NXN: variants seen among roughly 807,000 people sequenced by gnomAD.
NXN encodes the protein nucleoredoxin 1.
In NXN, 16 loss-of-function variants were observed where a neutral mutation model predicts 48.6. The observed-to-expected ratio is 0.33, with a 90% CI of 0.22 to 0.50. NXN has a LOEUF of 0.50. NXN is among the 20% of genes least tolerant of loss of function. NXN has a pLI of 0.98. For synonymous variants in NXN, 281 were observed against 269.6 expected, an observed-to-expected ratio of 1.04 and a Z score of -0.41; for missense variants, 492 against 605.5, an observed-to-expected ratio of 0.81 and a Z score of 1.97.
intron 1 of NXN, 126 bp from the exon 2 acceptor site, chr17:826,204 T>C (rs1360249415): frequency 6.6e-6 from 5 of 753,184 alleles, no homozygotes; most frequent in South Asian, 1.4e-5. Context: ...AAAAGAATAA[T>C]GGATGCCAAG....
chr17:941,238 G>A (rs547413782), intron 1 of NXN, among the ~76,000 whole-genome samples: 4,574 of 137,018 alleles, frequency 0.033, 2 homozygotes, highest in African/African-American at 0.094. Flanking sequence ...CACCTTCCTG[G>A]ATTTACAGTG....
At chr17:843,056 G>GAAAGAAAGAAAGA (rs113972004) in intron 1 of NXN, among the ~76,000 whole-genome samples, 1 of 107,220 alleles carries the variant, frequency 9.3e-6, no homozygotes, top group African/African-American at 3.9e-5. Flanking sequence ...AAGAAAGAAA[G>GAAAGAAAGAAAGA]AAGGAAGAAA....
intron 1 of NXN, among the ~76,000 whole-genome samples, chr17:962,466 G>A (rs1261980888): frequency 3.3e-5 from 5 of 151,918 alleles, no homozygotes; most frequent in East Asian, 1.9e-4. Flanking sequence ...CCAGGAGTTC[G>A]AGACCAGCCT....
intron 1 of NXN, among the ~76,000 whole-genome samples, chr17:939,623 G>A (rs2068947720): frequency 6.6e-6 from 1 of 152,148 alleles, no homozygotes; most frequent in African/African-American, 2.4e-5. Flanking sequence ...TGGGATTACA[G>A]GCGTGAGCCA....
intron 1 of NXN, among the ~76,000 whole-genome samples, chr17:913,454 T>C (rs2068655688): frequency 6.6e-6 from 1 of 152,176 alleles, no homozygotes; most frequent in Non-Finnish European, 1.5e-5. Flanking sequence ...CAGATGAAGA[T>C]GTCGGCCCCT....
chr17:928,572 A>G (rs2068823774), intron 1 of NXN, among the ~76,000 whole-genome samples: 1 of 152,218 alleles, frequency 6.6e-6, no homozygotes, highest in Admixed American at 6.5e-5. Flanking sequence ...GCGGTGGCTC[A>G]CGCCTGTAAT....
intron 1 of NXN, among the ~76,000 whole-genome samples, chr17:923,427 A>G (rs2068767595): frequency 6.6e-6 from 1 of 152,198 alleles, no homozygotes. Context: ...GGAGGCTGAG[A>G]CGGGAGGATT....
At chr17:907,855 T>C (rs1268822503) in intron 1 of NXN, 2 of 152,162 alleles carry the variant, frequency 1.3e-5, no homozygotes, top group African/African-American at 2.4e-5. Flanking sequence ...TCGAAACCAG[T>C]TGCATCTATC....
At chr17:944,731 T>C (rs1335338005) in intron 1 of NXN, among the ~76,000 whole-genome samples, 1 of 152,156 alleles carries the variant, frequency 6.6e-6, no homozygotes, top group Non-Finnish European at 1.5e-5. Context: ...AGCTTTGTTT[T>C]GGGATTCCAG....
chr17:846,464 T>C (rs951986532), intron 1 of NXN, among the ~76,000 whole-genome samples: 11 of 145,976 alleles, frequency 7.5e-5, no homozygotes, highest in African/African-American at 2.8e-4. Flanking sequence ...TTTAAGGAAA[T>C]TGAACACACG....
chr17:841,062 T>C (rs1914145869), intron 1 of NXN, among the ~76,000 whole-genome samples: 1 of 152,130 alleles, frequency 6.6e-6, no homozygotes, highest in African/African-American at 2.4e-5. Flanking sequence ...GTAAATGACT[T>C]AGTCTCCCCA....
chr17:910,412 A>C (rs2068624956), intron 1 of NXN, among the ~76,000 whole-genome samples: 1 of 151,102 alleles, frequency 6.6e-6, no homozygotes, highest in African/African-American at 2.4e-5. Context: ...ACTCCATTAA[A>C]AAAAAAAAAA....
At chr17:848,644 C>T (rs1374012974) in intron 1 of NXN, among the ~76,000 whole-genome samples, 1 of 152,226 alleles carries the variant, frequency 6.6e-6, no homozygotes, top group East Asian at 1.9e-4. Context: ...TGTCACTTTA[C>T]TTCCAAACAG....
At chr17:810,816 G>C (rs934687114) in intron 5 of NXN, among the ~76,000 whole-genome samples, 1 of 152,134 alleles carries the variant, frequency 6.6e-6, no homozygotes, top group South Asian at 2.1e-4. Context: ...TTGAACGCGG[G>C]AGGCAGAGCT....
intron 1 of NXN, among the ~76,000 whole-genome samples, chr17:891,812 T>A (rs915196532): frequency 2.4e-5 from 3 of 123,690 alleles, no homozygotes; most frequent in South Asian, 2.4e-4. Context: ...AACCCCACCA[T>A]GCACAACCCA....
Position 955,610 on chromosome 17 carries a change from C to T in NXN, c.360+23709G>A, listed in dbSNP as rs564406089. On this transcript the variant is annotated intron_variant, in intron 1 of 7. Transcript: ENST00000336868. ...GCTCACGCCTGTAATCCCAGCACCT[C>T]GGGAGGCCGGACGCGGTGGCTCACG... Among the ~76,000 whole-genome samples, 14 of 143,170 alleles carry T rather than the reference C, an allele frequency of 9.8e-5. No individual in the cohort carries two copies. In the East Asian group the frequency reaches 1.6e-3, roughly 17 times the overall value. The allele number at this position is 143,170 out of a possible 152,430, so 93.9% of individuals were successfully genotyped here.
rs1317391475 is a variant in NXN, at chr17:919,310, C to A, written c.360+60009G>T. Among the ~76,000 whole-genome samples the A allele has an allele frequency of 1.3e-5, 2 of 152,050 alleles. No homozygotes were observed. Among genetic ancestry groups the A allele is most frequent in the African/African-American group, 4.8e-5 (2 of 41,402 alleles). The stretch of plus-strand genomic sequence containing the variant: ...CTAGGGAGGCAGAGGTTGCAGTGAG[C>A]CGAGATTGTGCCACTGTACTCCAGC... On this transcript the variant is annotated intron_variant, in intron 1 of 7. Coordinates refer to ENST00000336868, the MANE Select transcript of NXN (RefSeq NM_022463.5). This position sits in a 1 kb window ranked among gnomAD's most constrained non-coding sequence, Gnocchi z 5.1.
intron 1 of NXN, 65 bp downstream of exon 1, chr17:979,253 TG>T (rs2069505174): frequency 1.3e-6 from 1 of 742,600 alleles, no homozygotes. Flanking sequence ...GTAACGGGCG[TG>T]GGGGGCGGGC....
intron 1 of NXN, among the ~76,000 whole-genome samples, chr17:940,150 G>A (rs1177288118): frequency 6.6e-6 from 1 of 150,820 alleles, no homozygotes; most frequent in East Asian, 2.0e-4. Context: ...GTCTCAGTAT[G>A]TTCCCCAGGC....
Sources: gnomAD v4.1 joint callset for allele counts (sites outside exome capture counted in the v4.1 genomes callset) on GRCh38, gnomAD v4.1.1 for gene constraint, Gnocchi (gnomAD v3.1) non-coding constraint, MANE v1.5 for transcripts, NCBI Gene and HGNC (gene_info 2026-07-23, HGNC 2026-07-21) for gene names.